The following SUPT20H variants were observed in gnomAD, a reference collection of about 807,000 sequenced individuals.
SUPT20H encodes the protein SPT20 homolog, SAGA complex component.
In SUPT20H, 82 loss-of-function variants were observed where a neutral mutation model predicts 122.8. That is an observed-to-expected ratio of 0.67 (90% CI 0.56 to 0.80). The LOEUF is 0.80. Ranked by LOEUF, SUPT20H falls within the 30% of genes least tolerant of loss-of-function variation. The pLI is 0.00. For missense variants in SUPT20H, 831 were observed against 921.6 expected (o/e 0.90, Z 1.27); for synonymous variants, 291 against 313.0 (o/e 0.93, Z 0.74).
intron 9 of SUPT20H, chr13:37,040,155 G>C: frequency 2.9e-6 from 1 of 347,598 alleles, no homozygotes; most frequent in Non-Finnish European, 5.2e-6. Flanking sequence ...AGGAGATAAA[G>C]AACTAAGTTT....
chr13:37,010,642 A>G lies in SUPT20H; in HGVS notation c.2112T>C (p.Leu704=). The G allele has an allele frequency of 6.2e-7, 1 of 1,613,694 alleles. No individual in the cohort carries two copies. The highest frequency in any genetic ancestry group is 8.5e-7 in the Non-Finnish European group (1 of 1,179,782). ...GCTCAGGTCTGTTCTCGGCAGAGCC[A>G]AGCTGAGACAACACTACAGAGAGGA... The part of the protein sequence containing the change: ...MQSQAAVLSQ[L]GSAENRPEQS... The change falls in exon 25 of 26, where the codon CTT becomes CTC. Residue 704 remains leucine, a synonymous_variant. Transcript: ENST00000350612.
intron 7 of SUPT20H, among the ~76,000 whole-genome samples, chr13:37,042,042 T>C (rs191477047): frequency 9.8e-5 from 15 of 152,304 alleles, no homozygotes; most frequent in Admixed American, 9.1e-4. Flanking sequence ...GAGTGTTTTA[T>C]TGTGGAAATG....
At position 37,024,438 on chromosome 13, in the gene SUPT20H, G is replaced by A; in HGVS notation, c.1334C>T (p.Thr445Ile). ...CGAAGACTGAACTGACACGGTTTCA[G>A]TTTGCTAAAAGACAATGACATTAAG... ...QVSPGKETDQ[T>I]ETVSVQSSVL... Residue 445 changes from threonine (T) to isoleucine (I), a missense_variant, in exon 18 of 26, where the codon ACT becomes ATT. Transcript: ENST00000350612. The A allele has an allele frequency of 6.4e-7, 1 of 1,550,502 alleles. No individual in the cohort carries two copies. The highest frequency in any genetic ancestry group is 1.3e-5 in the South Asian group (1 of 79,064).
rs1157361546 is a variant in SUPT20H at position 37,010,628 on chromosome 13, T to C, written c.2126A>G (p.Asn709Ser). The stretch of plus-strand genomic sequence containing the variant: ...CTGAGGAAGGCTTTGCTCAGGTCTG[T>C]TCTCGGCAGAGCCAAGCTGAGACAA... ...AVLSQLGSAE[N>S]RPEQSLPQQR... is the part of the protein sequence containing the mutation. The change falls in exon 25 of 26, where the codon AAC becomes AGC. Residue 709 changes from asparagine (N) to serine (S), a missense_variant. Transcript: ENST00000350612. 7 of 1,613,758 alleles carry C rather than the reference T, an allele frequency of 4.3e-6. No individual in the cohort carries two copies. The highest frequency in any genetic ancestry group is 5.9e-6 in the Non-Finnish European group (7 of 1,179,862).
Position 37,051,569 on chromosome 13 carries a change from A to T in SUPT20H, c.-79T>A. 1 of 1,383,792 alleles carries T rather than the reference A, an allele frequency of 7.2e-7. No individual in the cohort carries two copies. Among genetic ancestry groups the T allele is most frequent in the Non-Finnish European group, 1.0e-6 (1 of 983,256 alleles). 85.7% of individuals were successfully genotyped at this position (1,383,792 alleles called of 1,614,324 possible). On this transcript the variant is annotated 5_prime_UTR_variant, in exon 2 of 26. The change abolishes an upstream ATG in the 5' untranslated region. Coordinates refer to ENST00000350612, the MANE Select transcript of SUPT20H (RefSeq NM_001014286.3). ...GTGGGGTGAACACCATGCCTTTAAC[A>T]TCAATCTTACAGTACTGAAAAGCAA...
chr13:37,045,431 T>C, intron 5 of SUPT20H, 58 bp from the exon 6 acceptor site: 2 of 1,581,974 alleles, frequency 1.3e-6, no homozygotes, highest in Non-Finnish European at 1.7e-6. Flanking sequence ...TAACAAATAA[T>C]GCTATGATTT....
chr13:37,028,249 T>C lies in SUPT20H; in HGVS notation c.1050A>G (p.Thr350=), dbSNP rs774457025. 1.9e-6 allele frequency: 3 copies of C among 1,613,572 alleles called. No homozygotes were observed. Among genetic ancestry groups the C allele is most frequent in the Non-Finnish European group, 2.5e-6 (3 of 1,179,820 alleles). The part of the protein sequence containing the change: ...ECEAGTQYQK[T]KLTILQSLGD... Reference sequence around the variant, plus strand: ...CAAGCGACTGCAAGATGGTCAGCTTTGTTTTCTGATACTGAGTACCAGCTT... The same window carrying C: ...CAAGCGACTGCAAGATGGTCAGCTTCGTTTTCTGATACTGAGTACCAGCTT... The change falls in exon 14 of 26, where the codon ACA becomes ACG. Residue 350 remains threonine (T), a synonymous_variant. Transcript: ENST00000350612.
chr13:37,049,740 A>T (rs1389488914), intron 2 of SUPT20H, among the ~76,000 whole-genome samples: 1 of 151,764 alleles, frequency 6.6e-6, no homozygotes, highest in Admixed American at 6.6e-5. Flanking sequence ...ACTCCATCTC[A>T]AAAAAAACAA....
At chr13:37,016,158 C>G (rs879654304) in intron 23 of SUPT20H, among the ~76,000 whole-genome samples, 1 of 152,014 alleles carries the variant, frequency 6.6e-6, no homozygotes, top group East Asian at 1.9e-4. Flanking sequence ...TGGCCAGGCA[C>G]GGTGGCTCAT....
At chr13:37,032,494 T>C (rs1225084995) in intron 10 of SUPT20H, among the ~76,000 whole-genome samples, 3 of 152,256 alleles carry the variant, frequency 2.0e-5, no homozygotes, top group African/African-American at 7.2e-5. Flanking sequence ...GAGAAACCAA[T>C]AGGCAAATGC....
At chr13:37,016,424 T>C (rs1051012898) in intron 23 of SUPT20H, among the ~76,000 whole-genome samples, 5 of 87,018 alleles carry the variant, frequency 5.7e-5, no homozygotes, top group Non-Finnish European at 1.2e-4. Flanking sequence ...CGCGAGACTC[T>C]GTCTCAAAAA....
rs1305812782 is a variant in SUPT20H, at chr13:37,012,179, T to C, written c.2098+13A>G. 5.6e-6 allele frequency: 9 copies of C among 1,594,330 alleles called. No homozygotes were observed. The highest frequency in any genetic ancestry group is 2.2e-5 in the South Asian group (2 of 90,278). On this transcript the variant is annotated intron_variant, in intron 24 of 25. Transcript: ENST00000350612. ...TTAGTAAATTCAGCATATAAAGTTATGAAGATACCTACCAGCTGCCTGTGA... is the reference window on the plus strand; with the variant it reads ...TTAGTAAATTCAGCATATAAAGTTACGAAGATACCTACCAGCTGCCTGTGA...
At chr13:37,051,937 T>C (rs1332367863) in intron 1 of SUPT20H, among the ~76,000 whole-genome samples, 2 of 152,196 alleles carry the variant, frequency 1.3e-5, no homozygotes, top group African/African-American at 2.4e-5. Context: ...ATTATTTTAA[T>C]AGCTTGCCCA....
rs752582312 is a variant in SUPT20H at position 37,031,622 on chromosome 13, CACTGAAAAATTAAAAACAATAT to C, written c.865-21_865del. On this transcript the variant is annotated splice_acceptor_variant and splice_polypyrimidine_tract_variant and coding_sequence_variant and intron_variant, in exon 12 of 26. Coordinates refer to ENST00000350612, the MANE Select transcript of SUPT20H (RefSeq NM_001014286.3). LOFTEE classifies it high-confidence loss of function. Reference sequence around the variant, plus strand: ...GGGACTCCGTTTCCACATATCTACACACTGAAAAATTAAAAACAATATACTGAAAAATTAAAAACAATATAAA... The same window carrying C: ...GGGACTCCGTTTCCACATATCTACACACTGAAAAATTAAAAACAATATAAA... 2.0e-5 allele frequency: 31 copies of C among 1,566,070 alleles called. No individual in the cohort carries two copies. Among genetic ancestry groups the C allele is most frequent in the South Asian group, 1.7e-4 (14 of 80,864 alleles).
At chr13:37,020,720 T>A (rs1006517443) in intron 21 of SUPT20H, among the ~76,000 whole-genome samples, 6 of 152,232 alleles carry the variant, frequency 3.9e-5, no homozygotes, top group African/African-American at 1.4e-4. Flanking sequence ...AGAAAGTTTT[T>A]AATAAATTTT....
intron 10 of SUPT20H, among the ~76,000 whole-genome samples, 196 bp from the exon 11 acceptor site, chr13:37,032,091 C>T (rs1306885947): frequency 6.6e-6 from 1 of 152,076 alleles, no homozygotes; most frequent in Non-Finnish European, 1.5e-5. Flanking sequence ...CACCACAGAG[C>T]TATCAAGTCC....
intron 3 of SUPT20H, 143 bp downstream of exon 3, chr13:37,048,421 T>C: frequency 1.8e-6 from 1 of 544,286 alleles, no homozygotes; most frequent in Non-Finnish European, 3.0e-6. Context: ...GGTATTTTTA[T>C]ATATTTACAG....
intron 24 of SUPT20H, among the ~76,000 whole-genome samples, chr13:37,011,020 T>C (rs1333611217): frequency 1.3e-5 from 2 of 152,196 alleles, no homozygotes; most frequent in East Asian, 3.8e-4. Context: ...ATCCAAACTA[T>C]TGTAACAACA....
rs560907747 is a variant in SUPT20H at position 37,058,016 on chromosome 13, G to A, written c.-94+1543C>T. ...AAAGTTGGCTGGGGCGGTGGCTCAG[G>A]CCTGTAAGAGGCAGAAGCGGGTGGG... On this transcript the variant is annotated intron_variant, in intron 1 of 25. Transcript: ENST00000350612. Among the ~76,000 whole-genome samples the A allele has an allele frequency of 6.6e-5, 10 of 150,778 alleles. 1 individual carries two copies. In the South Asian group the frequency reaches 2.1e-3, roughly 32 times the overall value.
Sources: gnomAD v4.1 joint callset for allele counts (sites outside exome capture counted in the v4.1 genomes callset) on GRCh38, gnomAD v4.1.1 for gene constraint, MANE v1.5 for transcripts, NCBI Gene and HGNC (gene_info 2026-07-23, HGNC 2026-07-21) for gene names.